Variants in PAM observed in about 807,000 individuals in gnomAD.
PAM encodes peptidyl-glycine alpha-amidating monooxygenase.
In PAM, 72 loss-of-function variants were observed where a neutral mutation model predicts 122.1. The observed-to-expected ratio is 0.59, with a 90% CI of 0.49 to 0.72. The LOEUF (loss-of-function observed/expected upper bound fraction) is 0.72. Among genes scored for constraint, PAM ranks in the 30% least tolerant of loss-of-function variants. PAM has a pLI of 0.00. For synonymous variants in PAM, 389 were observed against 404.4 expected (o/e 0.96, Z 0.46); for missense variants, 1,106 against 1,183.7 (o/e 0.93, Z 0.96).
At chr5:102,765,617 C>T (rs1014518198) in intron 1 of PAM, among the ~76,000 whole-genome samples, 7 of 152,174 alleles carry the variant, frequency 4.6e-5, no homozygotes, top group Non-Finnish European at 2.9e-5. Context: ...GTACCACAAA[C>T]CGGGTGGCTT....
chr5:102,988,135 A>G (rs1322434945), intron 15 of PAM, among the ~76,000 whole-genome samples: 1 of 152,134 alleles, frequency 6.6e-6, no homozygotes, highest in African/African-American at 2.4e-5. Flanking sequence ...CCTGACATAC[A>G]CACGTATCCT....
Position 102,842,413 on chromosome 5 carries a change from C to A in PAM, c.-373-23410C>A, listed in dbSNP as rs146341318. Among the ~76,000 whole-genome samples, 738 of 152,216 alleles carry A rather than the reference C, an allele frequency of 4.8e-3. 3 individuals are homozygous for A. Among genetic ancestry groups the A allele is most frequent in the Middle Eastern group, 0.024 (7 of 294 alleles). On this transcript the variant is annotated intron_variant, in intron 1 of 25. Transcript: ENST00000438793. ...TGATAGCGAATAAGTCTCATGAGAT[C>A]TGATGGTTTCATAAAGGGAAGTTTC...
At chr5:102,765,140 T>G (rs1753509924) in intron 1 of PAM, among the ~76,000 whole-genome samples, 1 of 152,196 alleles carries the variant, frequency 6.6e-6, no homozygotes, top group African/African-American at 2.4e-5. Context: ...TGTCCTTCCT[T>G]GAGTCACTTG....
At chr5:102,765,618 C>T (rs911073172) in intron 1 of PAM, among the ~76,000 whole-genome samples, 3 of 152,142 alleles carry the variant, frequency 2.0e-5, no homozygotes, top group Admixed American at 6.5e-5. Context: ...TACCACAAAC[C>T]GGGTGGCTTA....
intron 15 of PAM, among the ~76,000 whole-genome samples, chr5:102,982,187 C>A (rs1435208731): frequency 6.6e-6 from 1 of 152,162 alleles, no homozygotes; most frequent in African/African-American, 2.4e-5. Context: ...AAGGATGGGT[C>A]TGTCAAGCCT....
chr5:102,902,297 C>T (rs183300480), intron 4 of PAM, among the ~76,000 whole-genome samples: 2 of 151,540 alleles, frequency 1.3e-5, no homozygotes, highest in African/African-American at 4.8e-5. Context: ...GAGGTGTTTC[C>T]CACAGGAATG....
chr5:102,794,375 AATTATT>A, intron 1 of PAM, among the ~76,000 whole-genome samples: 1 of 152,214 alleles, frequency 6.6e-6, no homozygotes. Context: ...TGAAGGAAGG[AATTATT>A]AAAGCCAATG....
At chr5:102,961,552 A>ATAAT (rs757580756) in intron 14 of PAM, among the ~76,000 whole-genome samples, 25 of 152,054 alleles carry the variant, frequency 1.6e-4, no homozygotes, top group Non-Finnish European at 3.2e-4. Context: ...TTGAAATCTA[A>ATAAT]TAACCTTAAC....
intron 1 of PAM, among the ~76,000 whole-genome samples, chr5:102,823,331 A>C (rs1353553918): frequency 6.6e-6 from 1 of 152,228 alleles, no homozygotes; most frequent in African/African-American, 2.4e-5. Flanking sequence ...ATAAGTTGCT[A>C]TAAAAATCTT....
intron 17 of PAM, among the ~76,000 whole-genome samples, chr5:103,004,688 T>C (rs1413251720): frequency 6.6e-6 from 1 of 152,236 alleles, no homozygotes; most frequent in Non-Finnish European, 1.5e-5. Flanking sequence ...TTACTGTCTT[T>C]AATAGGCACT....
chr5:102,833,403 A>G (rs1775993063), intron 1 of PAM, among the ~76,000 whole-genome samples: 1 of 152,146 alleles, frequency 6.6e-6, no homozygotes, highest in Non-Finnish European at 1.5e-5. Context: ...TTTTTTGTAG[A>G]AACAATAAGG....
chr5:103,016,254 T>A (rs1781954975), intron 21 of PAM, among the ~76,000 whole-genome samples: 1 of 152,184 alleles, frequency 6.6e-6, no homozygotes, highest in African/African-American at 2.4e-5. Flanking sequence ...TACGATAGTA[T>A]CTCCAGAGCA....
intron 3 of PAM, among the ~76,000 whole-genome samples, chr5:102,889,086 C>G (rs1794012903): frequency 6.6e-6 from 1 of 151,830 alleles, no homozygotes; most frequent in Non-Finnish European, 1.5e-5. Context: ...AGTATAAAAA[C>G]AGGGATGTAT....
intron 22 of PAM, among the ~76,000 whole-genome samples, chr5:103,017,893 C>G (rs1173280712): frequency 1.3e-5 from 2 of 152,092 alleles, no homozygotes; most frequent in Non-Finnish European, 2.9e-5. Context: ...GAATTTTCTG[C>G]TTGGACTTCA....
At chr5:102,779,350 G>A (rs1342953439) in intron 1 of PAM, among the ~76,000 whole-genome samples, 1 of 151,886 alleles carries the variant, frequency 6.6e-6, no homozygotes, top group Non-Finnish European at 1.5e-5. Flanking sequence ...TAAATGTTTA[G>A]TTATGATTAC....
chr5:102,819,030 C>T (rs1044700070), intron 1 of PAM, among the ~76,000 whole-genome samples: 5 of 152,078 alleles, frequency 3.3e-5, no homozygotes, highest in African/African-American at 9.7e-5. Flanking sequence ...AGTGAGAGGG[C>T]GAAAGAGAAT....
chr5:102,964,839 G>T (rs1763576444), intron 14 of PAM, among the ~76,000 whole-genome samples: 1 of 151,478 alleles, frequency 6.6e-6, no homozygotes, highest in African/African-American at 2.4e-5. Context: ...AAAATTATTG[G>T]CAAGAGTGAT....
At chr5:102,759,718 A>G (rs1294018393) in intron 1 of PAM, among the ~76,000 whole-genome samples, 1 of 152,198 alleles carries the variant, frequency 6.6e-6, no homozygotes, top group African/African-American at 2.4e-5. Context: ...TAATGTGGCT[A>G]AAGGCATAAA....
chr5:103,022,321 C>G (rs1783792259), intron 23 of PAM, among the ~76,000 whole-genome samples: 1 of 151,912 alleles, frequency 6.6e-6, no homozygotes, highest in Non-Finnish European at 1.5e-5. Context: ...TTGCCTTCAG[C>G]CTTCAGTTCT....
Sources: gnomAD v4.1 joint callset for allele counts (sites outside exome capture counted in the v4.1 genomes callset) on GRCh38, gnomAD v4.1.1 for gene constraint, MANE v1.5 for transcripts, NCBI Gene and HGNC (gene_info 2026-07-23, HGNC 2026-07-21) for gene names.